LPAR6: variants seen among roughly 807,000 people sequenced by gnomAD.
LPAR6 encodes the protein lysophosphatidic acid receptor 6.
In LPAR6, 17 loss-of-function variants were observed where a neutral mutation model predicts 22.0. The observed-to-expected ratio is 0.77, with a 90% CI of 0.53 to 1.16. LPAR6 has a LOEUF of 1.16. Among genes scored for constraint, LPAR6 ranks in the 50% most tolerant of loss-of-function variants. LPAR6 has a pLI of 0.00. For synonymous variants in LPAR6, 136 were observed against 139.8 expected (o/e 0.97, Z 0.19); for missense variants, 384 against 406.9 (o/e 0.94, Z 0.48).
At chr13:48,434,611 A>G (rs1949163805) in intron 1 of LPAR6, among the ~76,000 whole-genome samples, 1 of 152,122 alleles carries the variant, frequency 6.6e-6, no homozygotes, top group South Asian at 2.1e-4. Flanking sequence ...CCAGGCCTGT[A>G]GAGAGACACT....
chr13:48,421,226 G>A (rs1445618373), intron 2 of LPAR6, among the ~76,000 whole-genome samples: 1 of 152,066 alleles, frequency 6.6e-6, no homozygotes, highest in Non-Finnish European at 1.5e-5. Context: ...CAGAAATAAT[G>A]CCACACATCT....
intron 2 of LPAR6, among the ~76,000 whole-genome samples, chr13:48,420,699 C>G (rs1271643219): frequency 6.6e-6 from 1 of 152,156 alleles, no homozygotes; most frequent in African/African-American, 2.4e-5. Flanking sequence ...TCTCAGGATA[C>G]AAAATTAATG....
intron 1 of LPAR6, among the ~76,000 whole-genome samples, chr13:48,390,633 T>C (rs1593462309): frequency 6.6e-6 from 1 of 152,180 alleles, no homozygotes; most frequent in Non-Finnish European, 1.5e-5. Flanking sequence ...ATGTCTAACA[T>C]ATAGAATTTA....
intron 1 of LPAR6, among the ~76,000 whole-genome samples, chr13:48,394,540 G>A (rs1001250451): frequency 8.5e-5 from 13 of 152,178 alleles, no homozygotes; most frequent in Non-Finnish European, 1.8e-4. Context: ...GTCTGAGGTC[G>A]ACCTGGGATG....
At chr13:48,431,379 C>G (rs539774968), upstream of LPAR6, among the ~76,000 whole-genome samples, 28 of 152,108 alleles carry the variant, frequency 1.8e-4, no homozygotes, top group Non-Finnish European at 3.1e-4. Flanking sequence ...AGCAAGTATG[C>G]TTAAAACCAA....
chr13:48,401,738 G>C (rs1008667675), intron 1 of LPAR6, among the ~76,000 whole-genome samples: 3 of 152,158 alleles, frequency 2.0e-5, no homozygotes, highest in Admixed American at 1.3e-4. Context: ...TTTAGAACAT[G>C]ATAAGGAAAC....
chr13:48,416,407 C>G (rs1170797377), upstream of LPAR6: 1 of 152,208 alleles, frequency 6.6e-6, no homozygotes, highest in Admixed American at 6.5e-5. Context: ...GGCCCAGACT[C>G]TATGCCTTTT....
At chr13:48,422,461 C>G (rs1949020767) in intron 2 of LPAR6, among the ~76,000 whole-genome samples, 2 of 152,066 alleles carry the variant, frequency 1.3e-5, no homozygotes, top group Admixed American at 1.3e-4. Flanking sequence ...ACGTGTATAC[C>G]TATGTAACAA....
At chr13:48,420,857 A>C (rs572012017) in intron 2 of LPAR6, among the ~76,000 whole-genome samples, 1 of 152,214 alleles carries the variant, frequency 6.6e-6, no homozygotes, top group Non-Finnish European at 1.5e-5. Context: ...TTCAAGAACT[A>C]CAAACTTCAC....
chr13:48,435,660 T>C (rs1246828019), intron 1 of LPAR6, among the ~76,000 whole-genome samples: 1 of 152,182 alleles, frequency 6.6e-6, no homozygotes, highest in Non-Finnish European at 1.5e-5. Context: ...TTTTCCCTTA[T>C]ACTTAAAAAA....
chr13:48,403,240 A>G (rs1191602199), intron 1 of LPAR6, among the ~76,000 whole-genome samples: 1 of 152,168 alleles, frequency 6.6e-6, no homozygotes, highest in Non-Finnish European at 1.5e-5. Flanking sequence ...AAATGAAACT[A>G]TTTCTCATTT....
intron 1 of LPAR6, among the ~76,000 whole-genome samples, chr13:48,436,836 G>A (rs1340587090): frequency 6.6e-6 from 1 of 152,084 alleles, no homozygotes; most frequent in Admixed American, 6.5e-5. Flanking sequence ...TTAGCTTAGG[G>A]TGGCACAAAA....
upstream of LPAR6, chr13:48,417,110 A>T (rs1173939614): frequency 3.3e-5 from 5 of 152,150 alleles, no homozygotes; most frequent in South Asian, 8.3e-4. Context: ...TGGGTCTCTG[A>T]CCCCCATGTC....
chr13:48,430,806 G>C (rs953140245), upstream of LPAR6, among the ~76,000 whole-genome samples: 2 of 151,762 alleles, frequency 1.3e-5, no homozygotes, highest in African/African-American at 4.9e-5. Flanking sequence ...GCTCACACCT[G>C]TAATCCCAGC....
chr13:48,405,549 C>T (rs530237624), intron 1 of LPAR6, among the ~76,000 whole-genome samples: 6 of 152,104 alleles, frequency 3.9e-5, no homozygotes, highest in African/African-American at 1.4e-4. Context: ...TTAACACAGC[C>T]GCTTTATTCA....
At chr13:48,417,179 C>T (rs1791731705), upstream of LPAR6, 2 of 152,496 alleles carry the variant, frequency 1.3e-5, no homozygotes, top group Admixed American at 1.3e-4. Flanking sequence ...AGGAGAGCTC[C>T]AGCTGCCGTC....
At chr13:48,395,229 A>C (rs1190737519) in intron 1 of LPAR6, among the ~76,000 whole-genome samples, 1 of 152,198 alleles carries the variant, frequency 6.6e-6, no homozygotes. Context: ...TCCACACAGA[A>C]ACCCCATTTG....
At chr13:48,421,352 A>T (rs1013270832) in intron 2 of LPAR6, among the ~76,000 whole-genome samples, 1 of 152,200 alleles carries the variant, frequency 6.6e-6, no homozygotes, top group East Asian at 1.9e-4. Flanking sequence ...CTTACACCTT[A>T]TACAAAAATT....
intron 1 of LPAR6, among the ~76,000 whole-genome samples, chr13:48,398,034 A>C (rs938944309): frequency 2.0e-5 from 3 of 152,246 alleles, no homozygotes; most frequent in African/African-American, 7.2e-5. Flanking sequence ...GATAACGATT[A>C]AGCCACATTT....
Sources: gnomAD v4.1 joint callset for allele counts (sites outside exome capture counted in the v4.1 genomes callset) on GRCh38, gnomAD v4.1.1 for gene constraint, MANE v1.5 for transcripts, NCBI Gene and HGNC (gene_info 2026-07-23, HGNC 2026-07-21) for gene names.